Variants in PCDH19 observed in about 807,000 individuals in gnomAD.
PCDH19 encodes protocadherin 19, also known as protocadherin-19.
A neutral mutation model predicts 46.2 loss-of-function variants in PCDH19; 6 were observed. That is an observed-to-expected ratio of 0.13 (90% CI 0.07 to 0.26). The LOEUF is 0.26. Among genes scored for constraint, PCDH19 ranks in the 10% least tolerant of loss-of-function variants. The pLI, the probability that PCDH19 is intolerant of heterozygous loss-of-function variation, is 1.00. For missense variants in PCDH19, 740 were observed against 972.3 expected, an observed-to-expected ratio of 0.76 and a Z score of 3.18; for synonymous variants, 481 against 415.7, an observed-to-expected ratio of 1.16 and a Z score of -1.91.
chrX:100,347,080 A>T (rs1602598066), intron 4 of PCDH19, among the ~76,000 whole-genome samples: 1 of 110,681 alleles, frequency 9.0e-6, no homozygotes. Flanking sequence ...TGGAAAAAAA[A>T]AAAACTACAG....
intron 5 of PCDH19, among the ~76,000 whole-genome samples, chrX:100,309,688 G>A (rs1329687832): frequency 1.8e-5 from 2 of 111,432 alleles, no homozygotes; most frequent in Non-Finnish European, 3.8e-5. Context: ...TGGATGTGGA[G>A]ATGCCTCAGG....
chrX:100,340,474 ATATAT>A (rs1926221855), intron 5 of PCDH19, among the ~76,000 whole-genome samples: 1 of 112,500 alleles, frequency 8.9e-6, no homozygotes, highest in African/African-American at 3.2e-5. Context: ...AGTAAATGAT[ATATAT>A]CAGTTTGCAT....
At position 100,313,857 on chromosome X, in the gene PCDH19, TCACACACA is replaced by T. The variant is rs3222341; in HGVS notation, c.2849-16990_2849-16983del. On this transcript the variant is annotated intron_variant, in intron 5 of 5. Coordinates refer to ENST00000373034, the MANE Select transcript of PCDH19 (RefSeq NM_001184880.2). ...AATTCAAAGAGCCCTCTGCTGTTAA[TCACACACA>T]CACACACACACACACACACACACAC... 5.4e-3 allele frequency among the ~76,000 whole-genome samples: 413 copies of T among 76,245 alleles called. 1 individual carries two copies. Among genetic ancestry groups the T allele is most frequent in the South Asian group, 0.035 (51 of 1,472 alleles). The allele number at this position is 76,245 out of a possible 115,157, so 66.2% of individuals were successfully genotyped here.
At chrX:100,344,920 C>G (rs777732357) in intron 4 of PCDH19, among the ~76,000 whole-genome samples, 13 of 108,212 alleles carry the variant, frequency 1.2e-4, no homozygotes, top group Non-Finnish European at 1.9e-4. Context: ...CCAAATCACC[C>G]CACAGTTGAG....
chrX:100,342,658 G>A (rs901286664), intron 4 of PCDH19, among the ~76,000 whole-genome samples: 4 of 112,167 alleles, frequency 3.6e-5, no homozygotes, highest in Non-Finnish European at 7.5e-5. Flanking sequence ...AGCCTGCCTA[G>A]AAATTTAACC....
Position 100,410,255 on chromosome X carries a change from C to G in PCDH19, c.-1658G>C, listed in dbSNP as rs1448041728. The G allele has an allele frequency of 6.7e-6, 2 of 296,863 alleles. No homozygotes were observed. The highest frequency in any genetic ancestry group is 6.1e-5 in the Admixed American group (1 of 16,374). The allele number at this position is 296,863 out of a possible 1,213,427, so 24.5% of individuals were successfully genotyped here. On this transcript the variant is annotated 5_prime_UTR_variant, in exon 1 of 6. Coordinates refer to ENST00000373034, the MANE Select transcript of PCDH19 (RefSeq NM_001184880.2). Reference sequence around the variant, plus strand: ...CGCCGCTACTGCTGCTGCTGCTCCTCCGGATGCCGCAAACTACTGGCCGCG... The same window carrying G: ...CGCCGCTACTGCTGCTGCTGCTCCTGCGGATGCCGCAAACTACTGGCCGCG...
chrX:100,318,880 A>T (rs73551509), intron 5 of PCDH19, among the ~76,000 whole-genome samples: 25,578 of 110,252 alleles, frequency 0.23, 2,556 homozygotes, highest in Middle Eastern at 0.48. Context: ...TGGCTCTTGC[A>T]TACACCTTCT....
chrX:100,329,634 G>C (rs771974706), intron 5 of PCDH19, among the ~76,000 whole-genome samples: 2 of 111,901 alleles, frequency 1.8e-5, no homozygotes, highest in South Asian at 7.4e-4. Flanking sequence ...ATTTGGCCGG[G>C]CGCGGTGGCT....
Position 100,373,160 on chromosome X carries a change from C to T in PCDH19, c.2617-22456G>A, listed in dbSNP as rs191173974. 5.6e-3 allele frequency among the ~76,000 whole-genome samples: 633 copies of T among 112,443 alleles called. 2 individuals are homozygous for T. The highest frequency in any genetic ancestry group is 0.019 in the African/African-American group (575 of 30,930). ...AGTAACTGGGACTACAGGCGCGTGC[C>T]ACCACGCCCAGCTAATTTTTGTATT... is the stretch of plus-strand genomic sequence containing the variant. On this transcript the variant is annotated intron_variant, in intron 3 of 5. Transcript: ENST00000373034.
At chrX:100,366,000 T>C (rs945519799) in intron 3 of PCDH19, among the ~76,000 whole-genome samples, 2 of 112,141 alleles carry the variant, frequency 1.8e-5, no homozygotes, top group Admixed American at 9.4e-5. Context: ...TTCTTCTCAA[T>C]ACCCTATCAT....
chrX:100,356,978 C>T (rs1047027426), intron 3 of PCDH19, among the ~76,000 whole-genome samples: 1 of 111,370 alleles, frequency 9.0e-6, no homozygotes, highest in Non-Finnish European at 1.9e-5. Flanking sequence ...TCCATGTTGC[C>T]TTCAAGCTCC....
chrX:100,380,416 T>C (rs1927515864), intron 3 of PCDH19, among the ~76,000 whole-genome samples: 1 of 111,905 alleles, frequency 8.9e-6, no homozygotes, highest in Non-Finnish European at 1.9e-5. Flanking sequence ...TATAATTTTA[T>C]ATTGTTGGTG....
At chrX:100,314,210 A>G (rs1925228850) in intron 5 of PCDH19, among the ~76,000 whole-genome samples, 1 of 111,786 alleles carries the variant, frequency 8.9e-6, no homozygotes, top group African/African-American at 3.3e-5. Context: ...ATAAAAAGAA[A>G]CATCTGAACA....
At chrX:100,400,176 A>G (rs1928136371) in intron 3 of PCDH19, among the ~76,000 whole-genome samples, 1 of 111,740 alleles carries the variant, frequency 8.9e-6, no homozygotes, top group African/African-American at 3.3e-5. Flanking sequence ...TATTGTTTAA[A>G]TGATCAATAT....
chrX:100,359,788 TAA>T (rs1386170631), intron 3 of PCDH19, among the ~76,000 whole-genome samples: 1 of 92,850 alleles, frequency 1.1e-5, no homozygotes, highest in Non-Finnish European at 2.1e-5. Flanking sequence ...TACACACATA[TAA>T]GAGTGTGTGT....
chrX:100,394,527 G>A (rs1025714057), intron 3 of PCDH19, among the ~76,000 whole-genome samples: 6 of 111,425 alleles, frequency 5.4e-5, no homozygotes, highest in Non-Finnish European at 1.1e-4. Context: ...CTTCAGGAAC[G>A]AGCTCTACAG....
In PCDH19 at chrX:100,293,501, A is replaced by AGGTGG. The variant is rs1924492958; in HGVS notation, c.*2771_*2775dup. On this transcript the variant is annotated 3_prime_UTR_variant, in exon 6 of 6. Transcript: ENST00000373034. The stretch of plus-strand genomic sequence containing the variant: ...TTCACCAGACATGCCAAAAAGGAGA[A>AGGTGG]GGTGGGGTGGGGCGGGGGGGACATG... 1.8e-5 allele frequency: 1 copy of AGGTGG among 56,272 alleles called. No individual in the cohort carries two copies. The highest frequency in any genetic ancestry group is 7.0e-5 in the African/African-American group (1 of 14,274). 4.6% of individuals were successfully genotyped at this position (56,272 alleles called of 1,213,427 possible).
intron 5 of PCDH19, among the ~76,000 whole-genome samples, chrX:100,323,518 A>T (rs1925586521): frequency 9.0e-6 from 1 of 111,577 alleles, no homozygotes; most frequent in African/African-American, 3.3e-5. Flanking sequence ...TCACCTCTGG[A>T]ATCTGTAAAA....
rs374726171 is a variant in PCDH19, at chrX:100,402,617, G to A, written c.2523C>T (p.Arg841=). The A allele has an allele frequency of 3.6e-5, 43 of 1,209,698 alleles. No homozygotes were observed. The highest frequency in any genetic ancestry group is 4.8e-5 in the Non-Finnish European group (43 of 894,898). Residue 841 remains arginine, a synonymous_variant, in exon 3 of 6, where the codon CGC becomes CGT. Coordinates refer to ENST00000373034, the MANE Select transcript of PCDH19 (RefSeq NM_001184880.2). ...TFLNVENQNT[R]NTSANHIYHH... is the part of the protein sequence containing the mutation. The stretch of plus-strand genomic sequence containing the variant: ...GGTAGATGTGGTTAGCACTGGTGTT[G>A]CGGGTATTCTGGTTCTCCACATTCA...
Sources: allele counts gnomAD v4.1 joint callset (sites outside exome capture counted in the v4.1 genomes callset), GRCh38; gene constraint gnomAD v4.1.1; transcripts MANE v1.5; gene names NCBI Gene and HGNC (gene_info 2026-07-23, HGNC 2026-07-21).